Variants in FBXL13 observed in about 807,000 individuals in gnomAD.
FBXL13 encodes F-box and leucine-rich repeat protein 13.
In FBXL13, 67 loss-of-function variants were observed where a neutral mutation model predicts 83.6. The observed-to-expected ratio is 0.80, with a 90% CI of 0.66 to 0.98. The LOEUF is 0.98. Ranked by LOEUF, FBXL13 falls within the 50% of genes least tolerant of loss-of-function variation. The probability of loss-of-function intolerance (pLI) is 0.00; values close to 1 mark genes in which losing one functional copy is unlikely to be tolerated. For synonymous variants in FBXL13, 272 were observed against 299.5 expected (o/e 0.91, Z 0.95); for missense variants, 822 against 866.5 (o/e 0.95, Z 0.64).
At chr7:102,982,231 G>A (rs561395167) in intron 6 of FBXL13, among the ~76,000 whole-genome samples, 1 of 152,252 alleles carries the variant, frequency 6.6e-6, no homozygotes, top group African/African-American at 2.4e-5. Flanking sequence ...GCGTCCTGGT[G>A]TAAACATTCC....
chr7:102,975,944 A>G, intron 6 of FBXL13: 2 of 765,030 alleles, frequency 2.6e-6, no homozygotes. Flanking sequence ...CTAGCAATCC[A>G]CCTCCACCTG....
chr7:103,058,762 T>A (rs1458294692), intron 1 of FBXL13, among the ~76,000 whole-genome samples: 2 of 152,214 alleles, frequency 1.3e-5, no homozygotes, highest in African/African-American at 4.8e-5. Context: ...GAAGTTCAGC[T>A]TTATGGTACA....
intron 2 of FBXL13, among the ~76,000 whole-genome samples, chr7:103,036,473 T>C (rs1277333091): frequency 6.6e-6 from 1 of 152,166 alleles, no homozygotes; most frequent in African/African-American, 2.4e-5. Flanking sequence ...GAATTTTTCA[T>C]GATGAGTCAT....
chr7:103,051,758 G>A (rs1217921406), intron 2 of FBXL13, among the ~76,000 whole-genome samples: 3 of 152,190 alleles, frequency 2.0e-5, no homozygotes, highest in Non-Finnish European at 4.4e-5. Context: ...CAAAAAAGGG[G>A]AAATGATGTA....
intron 16 of FBXL13, among the ~76,000 whole-genome samples, chr7:102,872,516 T>C (rs144260569): frequency 0.013 from 1,928 of 152,346 alleles, 19 homozygotes; most frequent in Non-Finnish European, 0.02. Context: ...AAGCACACTG[T>C]CTGGGACACT....
At chr7:103,036,721 A>G (rs527752978) in intron 2 of FBXL13, among the ~76,000 whole-genome samples, 1 of 152,262 alleles carries the variant, frequency 6.6e-6, no homozygotes, top group Non-Finnish European at 1.5e-5. Context: ...CATGTTGCCC[A>G]GGCTGCTCTT....
rs139791294 is a variant in FBXL13, at chr7:102,886,084, T to C, written c.1009-1772A>G. Among the ~76,000 whole-genome samples the C allele has an allele frequency of 3.8e-3, 578 of 152,346 alleles. 5 individuals carry two copies. The highest frequency in any genetic ancestry group is 0.014 in the African/African-American group (571 of 41,584). On this transcript the variant is annotated intron_variant, in intron 11 of 19. Transcript: ENST00000313221. ...TTATCCACATTAATGGAAAGACCAG[T>C]GGCAGAGAGTGTCCGAAATAATGAC... is the stretch of plus-strand genomic sequence containing the variant.
chr7:102,949,038 A>G (rs1159058830), intron 8 of FBXL13, among the ~76,000 whole-genome samples: 3 of 152,158 alleles, frequency 2.0e-5, no homozygotes, highest in African/African-American at 7.2e-5. Context: ...AACATTCTAC[A>G]GTTAATTTTC....
intron 6 of FBXL13, among the ~76,000 whole-genome samples, chr7:103,017,470 A>T (rs113367024): frequency 0.015 from 2,296 of 152,350 alleles, 46 homozygotes; most frequent in African/African-American, 0.053. Context: ...ACAAAGCTAG[A>T]TGGAGAATGA....
chr7:103,001,122 T>A (rs9649253), intron 6 of FBXL13, among the ~76,000 whole-genome samples: 48,107 of 150,988 alleles, frequency 0.32, 9,156 homozygotes, highest in African/African-American at 0.54. Flanking sequence ...ATATATATAT[T>A]TTTTTTTGAT....
At chr7:102,930,639 C>G (rs1259227980) in intron 9 of FBXL13, among the ~76,000 whole-genome samples, 1 of 152,192 alleles carries the variant, frequency 6.6e-6, no homozygotes, top group Admixed American at 6.5e-5. Flanking sequence ...TACTCACTTT[C>G]ATTTTGTGAT....
At chr7:102,992,420 A>T (rs1829671475) in intron 6 of FBXL13, among the ~76,000 whole-genome samples, 1 of 152,216 alleles carries the variant, frequency 6.6e-6, no homozygotes, top group African/African-American at 2.4e-5. Context: ...AGCTAGTGAC[A>T]GAAGCGGCCA....
chr7:103,067,010 C>G (rs2129503707), intron 1 of FBXL13, among the ~76,000 whole-genome samples: 1 of 151,968 alleles, frequency 6.6e-6, no homozygotes, highest in Non-Finnish European at 1.5e-5. Context: ...GTCTTGAACT[C>G]CAAACCTCAG....
chr7:102,838,458 A>T (rs74492523), intron 17 of FBXL13, among the ~76,000 whole-genome samples: 5 of 150,288 alleles, frequency 3.3e-5, no homozygotes, highest in African/African-American at 7.3e-5. Context: ...TAAAAAAAAA[A>T]TTTTTTTTTT....
rs917461877 is a variant in FBXL13, at chr7:102,957,194, C to A, written c.724+6339G>T. ...ACTGGTACCAAAACAGATATATACA[C>A]CAATGGAACAGAACAGAGGCCTCAG... On this transcript the variant is annotated intron_variant, in intron 8 of 19. Coordinates refer to ENST00000313221, the Ensembl canonical transcript of FBXL13. Among the ~76,000 whole-genome samples, 5 of 152,186 alleles carry A rather than the reference C, an allele frequency of 3.3e-5. No homozygotes were observed. The East Asian group carries it at 9.7e-4, about 29-fold the overall frequency.
At chr7:103,037,907 A>G (rs1795231625) in intron 2 of FBXL13, among the ~76,000 whole-genome samples, 1 of 151,990 alleles carries the variant, frequency 6.6e-6, no homozygotes. Flanking sequence ...TGATTTCTGC[A>G]TTTCCAGCTG....
intron 7 of FBXL13, among the ~76,000 whole-genome samples, chr7:102,963,908 A>G (rs1825675800): frequency 6.6e-6 from 1 of 152,234 alleles, no homozygotes; most frequent in Non-Finnish European, 1.5e-5. Flanking sequence ...AAACAACCCC[A>G]TAAAAATAGG....
At chr7:102,834,441 T>TTATATATATGTGATTATATATATA (rs1554405363) in intron 17 of FBXL13, among the ~76,000 whole-genome samples, 1 of 128,806 alleles carries the variant, frequency 7.8e-6, no homozygotes, top group Non-Finnish European at 1.6e-5. Flanking sequence ...ATTATATATA[T>TTATATATATGTGATTATATATATA]TATATATATG....
In FBXL13 at chr7:102,933,968, C is replaced by T. The variant is rs946657031; in HGVS notation, c.725-2035G>A. On this transcript the variant is annotated intron_variant, in intron 8 of 19. Transcript: ENST00000313221. ...CTGCTTTTGCAAAGCGGCTGAGCTG[C>T]GCAAAGCAAGCCCAGGCAGTGTGAG... 1.7e-5 allele frequency: 27 copies of T among 1,613,882 alleles called. No homozygotes were observed. The highest frequency in any genetic ancestry group is 1.1e-5 in the South Asian group (1 of 91,044).
Sources: gnomAD v4.1 joint callset for allele counts (sites outside exome capture counted in the v4.1 genomes callset) on GRCh38, gnomAD v4.1.1 for gene constraint, MANE v1.5 for transcripts, NCBI Gene and HGNC (gene_info 2026-07-23, HGNC 2026-07-21) for gene names.